Variants in CNTN4 observed in about 807,000 individuals in gnomAD.
CNTN4 encodes contactin-4.
A neutral mutation model predicts 122.5 loss-of-function variants in CNTN4; 77 were observed. The observed-to-expected ratio is 0.63, with a 90% CI of 0.52 to 0.76. CNTN4 has a LOEUF of 0.76. Ranked by LOEUF, CNTN4 falls within the 30% of genes least tolerant of loss-of-function variation. CNTN4 has a pLI of 0.00. For synonymous variants in CNTN4, 512 were observed against 447.0 expected (o/e 1.15, Z -1.83); for missense variants, 1,256 against 1,259.1 (o/e 1.00, Z 0.04).
chr3:2,861,117 G>A (rs2093667152), intron 7 of CNTN4, among the ~76,000 whole-genome samples: 1 of 152,062 alleles, frequency 6.6e-6, no homozygotes, highest in Non-Finnish European at 1.5e-5. Flanking sequence ...CTTGGTTTAG[G>A]CAGGGAAGGT....
intron 2 of CNTN4, among the ~76,000 whole-genome samples, chr3:2,301,406 T>C (rs1190744908): frequency 6.6e-6 from 1 of 152,152 alleles, no homozygotes; most frequent in African/African-American, 2.4e-5. Flanking sequence ...CAGAGGAAAT[T>C]GAATTAAGAA....
chr3:2,622,250 C>T (rs1466498321), intron 4 of CNTN4, among the ~76,000 whole-genome samples: 2 of 152,072 alleles, frequency 1.3e-5, no homozygotes, highest in African/African-American at 4.8e-5. Flanking sequence ...GATGAAAGTC[C>T]AGCTGAAAAC....
chr3:2,145,060 C>A (rs2035181680), intron 2 of CNTN4, among the ~76,000 whole-genome samples: 1 of 152,190 alleles, frequency 6.6e-6, no homozygotes, highest in South Asian at 2.1e-4. Context: ...TGGAGGTTAT[C>A]TCTGGTGCTC....
At position 2,589,333 on chromosome 3, in the gene CNTN4, T is replaced by C. The variant is rs565223576; in HGVS notation, c.55+17775T>C. 6.6e-5 allele frequency among the ~76,000 whole-genome samples: 10 copies of C among 152,348 alleles called. No individual in the cohort carries two copies. In the South Asian group the frequency reaches 2.1e-3, roughly 32 times the overall value. ...TGGAATTCCTTTAGTTTCAGTGCCT[T>C]ATTTTTACCTTTCTTTGAAGTGCCT... On this transcript the variant is annotated intron_variant, in intron 4 of 24. Transcript: ENST00000418658.
At chr3:2,129,643 A>C (rs1249958681) in intron 2 of CNTN4, among the ~76,000 whole-genome samples, 1 of 151,878 alleles carries the variant, frequency 6.6e-6, no homozygotes, top group Non-Finnish European at 1.5e-5. Flanking sequence ...GACTTTGGAG[A>C]GAAGCTCTTC....
At chr3:2,319,637 C>A (rs1329362330) in intron 2 of CNTN4, among the ~76,000 whole-genome samples, 2 of 152,102 alleles carry the variant, frequency 1.3e-5, no homozygotes, top group Non-Finnish European at 2.9e-5. Flanking sequence ...AATAACATTT[C>A]TTTAGCTTAC....
intron 2 of CNTN4, among the ~76,000 whole-genome samples, chr3:2,179,639 T>C (rs1222482835): frequency 6.6e-6 from 1 of 151,990 alleles, no homozygotes; most frequent in Non-Finnish European, 1.5e-5. Flanking sequence ...AAACTTTTAA[T>C]ATTCACTTAT....
chr3:2,624,627 C>CTTTTTT (rs1175851279), intron 4 of CNTN4, among the ~76,000 whole-genome samples: 139 of 89,850 alleles, frequency 1.5e-3, no homozygotes, highest in Non-Finnish European at 2.1e-3. Context: ...ATTTCTGATT[C>CTTTTTT]TTTTTTTTTT....
chr3:2,792,779 C>T (rs1382818633), intron 6 of CNTN4, among the ~76,000 whole-genome samples: 1 of 152,130 alleles, frequency 6.6e-6, no homozygotes, highest in African/African-American at 2.4e-5. Flanking sequence ...AGAGAGAAAT[C>T]CTTAGTTTAG....
At chr3:2,243,701 T>C (rs562986047) in intron 2 of CNTN4, among the ~76,000 whole-genome samples, 2 of 152,184 alleles carry the variant, frequency 1.3e-5, no homozygotes, top group South Asian at 4.1e-4. Context: ...AGTTAAATAA[T>C]GCTTTTCTCA....
intron 3 of CNTN4, among the ~76,000 whole-genome samples, chr3:2,448,592 A>G (rs2048711606): frequency 1.3e-5 from 2 of 152,178 alleles, no homozygotes; most frequent in African/African-American, 4.8e-5. Flanking sequence ...AGGCTTTTTT[A>G]TTAACAGCTC....
Position 2,576,082 on chromosome 3 carries a change from A to G in CNTN4, c.55+4524A>G, listed in dbSNP as rs541582792. Among the ~76,000 whole-genome samples the G allele has an allele frequency of 1.7e-3, 259 of 151,790 alleles. 4 individuals carry two copies. The highest frequency in any genetic ancestry group is 3.9e-3 in the Admixed American group (59 of 15,240). ...GATCTCCTGACCTTGTGATCTGCCC[A>G]CCTCGGCCTCCCAGAGTGCTGGAAT... On this transcript the variant is annotated intron_variant, in intron 4 of 24. Transcript: ENST00000418658.
At chr3:3,035,339 T>C (rs1699512668) in intron 17 of CNTN4, among the ~76,000 whole-genome samples, 2 of 150,968 alleles carry the variant, frequency 1.3e-5, no homozygotes, top group South Asian at 4.2e-4. Context: ...GTTGTGCTGG[T>C]TGTATATGTA....
At chr3:2,193,737 G>A (rs2037701167) in intron 2 of CNTN4, among the ~76,000 whole-genome samples, 1 of 152,032 alleles carries the variant, frequency 6.6e-6, no homozygotes, top group African/African-American at 2.4e-5. Context: ...CATGACTATG[G>A]CCCCATAAGA....
chr3:2,382,113 A>G (rs1238131864), intron 3 of CNTN4, among the ~76,000 whole-genome samples: 10 of 152,050 alleles, frequency 6.6e-5, no homozygotes, highest in Admixed American at 2.0e-4. Flanking sequence ...AGCTTTATAT[A>G]AAAAACATGG....
chr3:2,577,411 C>T (rs1266699605), intron 4 of CNTN4, among the ~76,000 whole-genome samples: 3 of 152,172 alleles, frequency 2.0e-5, no homozygotes, highest in African/African-American at 7.2e-5. Flanking sequence ...GTAGTTATAT[C>T]TATAAATATT....
At position 2,608,769 on chromosome 3, in the gene CNTN4, A is replaced by G. The variant is rs567313513; in HGVS notation, c.55+37211A>G. ...CCAGAGTCCTGGAATTACAGGCATG[A>G]GCAACTGCACTTTGCCCCTTGGCTC... is the stretch of plus-strand genomic sequence containing the variant. On this transcript the variant is annotated intron_variant, in intron 4 of 24. Coordinates refer to ENST00000418658, the MANE Select transcript of CNTN4 (RefSeq NM_175607.3). Among the ~76,000 whole-genome samples, 117 of 152,318 alleles carry G rather than the reference A, an allele frequency of 7.7e-4. 1 individual carries two copies. The highest frequency in any genetic ancestry group is 1.6e-3 in the Non-Finnish European group (109 of 68,028).
chr3:2,346,905 T>C (rs1035948139), intron 3 of CNTN4, among the ~76,000 whole-genome samples: 3 of 152,256 alleles, frequency 2.0e-5, no homozygotes, highest in Non-Finnish European at 4.4e-5. Flanking sequence ...ATTATTTATG[T>C]GAATATTGGT....
intron 3 of CNTN4, among the ~76,000 whole-genome samples, chr3:2,435,030 G>T (rs2048211109): frequency 2.6e-5 from 4 of 152,094 alleles, no homozygotes. Context: ...CTATTTCTGT[G>T]TCTTTCCAAA....
Sources: allele counts gnomAD v4.1 joint callset (sites outside exome capture counted in the v4.1 genomes callset), GRCh38; gene constraint gnomAD v4.1.1; transcripts MANE v1.5; gene names NCBI Gene and HGNC (gene_info 2026-07-23, HGNC 2026-07-21).